SEMA5A: variants seen among roughly 807,000 people sequenced by gnomAD.
SEMA5A encodes semaphorin 5A, also known as semaphorin-5A.
Under a neutral mutation model 135.5 loss-of-function variants are expected in SEMA5A, and 55 were observed. The observed-to-expected ratio is 0.41, with a 90% CI of 0.33 to 0.51. The LOEUF is 0.51. Among genes scored for constraint, SEMA5A ranks in the 20% least tolerant of loss-of-function variants. The pLI, the probability that SEMA5A is intolerant of heterozygous loss-of-function variation, is 0.37. For missense variants in SEMA5A, 1,290 were observed against 1,419.9 expected (o/e 0.91, Z 1.47); for synonymous variants, 580 against 546.5 (o/e 1.06, Z -0.85).
rs1185175900 is a variant in SEMA5A, at chr5:9,272,765, G to T, written c.271-34875C>A. On this transcript the variant is annotated intron_variant, in intron 5 of 22. Transcript: ENST00000382496. ...AGCAAACTCCAACACGCCTGCAGAA[G>T]AGGGGCCTGAATGTTAGAAGGAACA... Among the ~76,000 whole-genome samples, 3 of 152,298 alleles carry T rather than the reference G, an allele frequency of 2.0e-5. No individual in the cohort carries two copies. The East Asian group carries it at 5.8e-4, about 29-fold the overall frequency.
chr5:9,081,501 A>C (rs959494268), intron 16 of SEMA5A, among the ~76,000 whole-genome samples: 1 of 152,064 alleles, frequency 6.6e-6, no homozygotes, highest in South Asian at 2.1e-4. Flanking sequence ...CTGGCAAGGA[A>C]TTTTCCAAAT....
chr5:9,066,160 G>T (rs1737451149), intron 17 of SEMA5A, among the ~76,000 whole-genome samples: 1 of 152,194 alleles, frequency 6.6e-6, no homozygotes, highest in Non-Finnish European at 1.5e-5. Context: ...TCACACAAAT[G>T]ATTCTGGGTC....
At chr5:9,408,716 G>T (rs144676113) in intron 2 of SEMA5A, among the ~76,000 whole-genome samples, 6 of 152,136 alleles carry the variant, frequency 3.9e-5, no homozygotes, top group African/African-American at 1.4e-4. Context: ...ATCAAGAAAG[G>T]TGCACAAGTT....
rs373112364 is a variant in SEMA5A at position 9,278,652 on chromosome 5, G to A, written c.270+39720C>T. On this transcript the variant is annotated intron_variant, in intron 5 of 22. Transcript: ENST00000382496. ...TTTTGTGGGCGAGGCCCAGGGCCCT[G>A]CTGCTCTGTGCAGCCTCAGAACACA... 6.6e-5 allele frequency among the ~76,000 whole-genome samples: 10 copies of A among 152,330 alleles called. No homozygotes were observed. The East Asian group carries it at 9.7e-4, about 15-fold the overall frequency.
rs1215861029 is a variant in SEMA5A, at chr5:9,164,080, A to ATTT, written c.1274-9386_1274-9385insAAA. On this transcript the variant is annotated intron_variant, in intron 11 of 22. Transcript: ENST00000382496. ...ATATAAATATTTATATAATTTATATAATTATAAATATATCATATAAATATT... is the reference window on the plus strand; with the variant it reads ...ATATAAATATTTATATAATTTATATATTTATTATAAATATATCATATAAATATT... Among the ~76,000 whole-genome samples the ATTT allele has an allele frequency of 1.1e-4, 2 of 18,724 alleles. 1 individual carries two copies. The highest frequency in any genetic ancestry group is 2.5e-4 in the African/African-American group (2 of 7,900). The allele number at this position is 18,724 out of a possible 152,430, so 12.3% of individuals were successfully genotyped here.
At chr5:9,480,129 C>T (rs973082979) in intron 1 of SEMA5A, among the ~76,000 whole-genome samples, 6 of 152,068 alleles carry the variant, frequency 3.9e-5, no homozygotes, top group African/African-American at 1.2e-4. Flanking sequence ...ACATTCGACA[C>T]GAATAGCACA....
At chr5:9,521,887 G>A (rs1387200562) in intron 1 of SEMA5A, among the ~76,000 whole-genome samples, 3 of 152,166 alleles carry the variant, frequency 2.0e-5, no homozygotes, top group African/African-American at 4.8e-5. Context: ...GAGGGGCAGA[G>A]AGGACAGCAC....
intron 2 of SEMA5A, among the ~76,000 whole-genome samples, chr5:9,417,426 A>G (rs548112724): frequency 2.8e-4 from 43 of 152,314 alleles, no homozygotes; most frequent in Middle Eastern, 6.8e-3. Context: ...CTTAAGTGGG[A>G]TCCCAATTTG....
rs1464231309 is a variant in SEMA5A at position 9,118,998 on chromosome 5, C to T, written c.1925G>A (p.Arg642Lys). ...RVCVGQNREE[R>K]YCNEHLLCPP... ...TGCTGGCAGCAGGGTGGGCACGTAC[C>T]TTTCCTCGCGGTTCTGTCCCACGCA... The change falls in exon 15 of 23, where the codon AGA becomes AAA. Residue 642 changes from arginine to lysine, a missense_variant and splice_region_variant. Arg to Lys is a conservative substitution (Grantham distance 26). Transcript: ENST00000382496. The T allele has an allele frequency of 1.9e-6, 3 of 1,612,722 alleles. No homozygotes were observed. The highest frequency in any genetic ancestry group is 2.5e-6 in the Non-Finnish European group (3 of 1,179,558).
intron 11 of SEMA5A, among the ~76,000 whole-genome samples, chr5:9,161,733 C>T (rs1270474671): frequency 6.6e-6 from 1 of 152,212 alleles, no homozygotes; most frequent in Non-Finnish European, 1.5e-5. Flanking sequence ...AGTCCAAACC[C>T]ACAACATCAT....
chr5:9,302,640 C>T (rs1751666213), intron 5 of SEMA5A, among the ~76,000 whole-genome samples: 1 of 152,144 alleles, frequency 6.6e-6, no homozygotes, highest in Non-Finnish European at 1.5e-5. Flanking sequence ...GCACAAGCAC[C>T]TAAGATGCTA....
In SEMA5A at chr5:9,136,504, C is replaced by A. The variant is rs769684645; in HGVS notation, c.1599G>T (p.Pro533=). Residue 533 remains proline, a splice_region_variant and synonymous_variant, in exon 13 of 23, where the codon CCG becomes CCT. Coordinates refer to ENST00000382496, the MANE Select transcript of SEMA5A (RefSeq NM_003966.3). ...GAGGATGGAGAAGGTGGGCACTCAC[C>A]GGACACGCAGAGATGCTCTGTTCCC... ...TQWEQSISAC[P]TRNLTVDGHF... 5.0e-6 allele frequency: 8 copies of A among 1,612,460 alleles called. No homozygotes were observed. The highest frequency in any genetic ancestry group is 6.8e-6 in the Non-Finnish European group (8 of 1,178,640).
intron 1 of SEMA5A, among the ~76,000 whole-genome samples, chr5:9,538,265 G>C (rs202239153): frequency 8.9e-6 from 1 of 112,178 alleles, no homozygotes; most frequent in Non-Finnish European, 2.0e-5. Context: ...TCTTCTCTAA[G>C]AGCGGGGCGG....
chr5:9,276,757 A>T (rs1750284406), intron 5 of SEMA5A, among the ~76,000 whole-genome samples: 1 of 152,236 alleles, frequency 6.6e-6, no homozygotes, highest in African/African-American at 2.4e-5. Context: ...CTGGCTAGCC[A>T]TGTGCAGAAA....
At chr5:9,225,865 T>C (rs1339164512) in intron 7 of SEMA5A, among the ~76,000 whole-genome samples, 2 of 152,176 alleles carry the variant, frequency 1.3e-5, no homozygotes, top group African/African-American at 4.8e-5. Flanking sequence ...GGTTCTCGCC[T>C]GAGAGGTATT....
chr5:9,300,934 A>G (rs1326825673), intron 5 of SEMA5A, among the ~76,000 whole-genome samples: 8 of 152,166 alleles, frequency 5.3e-5, no homozygotes, highest in African/African-American at 1.9e-4. Flanking sequence ...TCAGTTTCTG[A>G]CTTCCAGGCT....
At chr5:9,177,126 G>A (rs949501804) in intron 11 of SEMA5A, among the ~76,000 whole-genome samples, 1 of 152,174 alleles carries the variant, frequency 6.6e-6, no homozygotes, top group African/African-American at 2.4e-5. Context: ...AGACTCAGAG[G>A]AGCAGGAGCA....
At chr5:9,153,619 GT>G (rs1742759996) in intron 12 of SEMA5A, among the ~76,000 whole-genome samples, 1 of 151,842 alleles carries the variant, frequency 6.6e-6, no homozygotes, top group Non-Finnish European at 1.5e-5. Flanking sequence ...GGAGGGGGGG[GT>G]GTCCCGGAAA....
chr5:9,413,269 C>T (rs1757167070), intron 2 of SEMA5A, among the ~76,000 whole-genome samples: 1 of 151,612 alleles, frequency 6.6e-6, no homozygotes, highest in Non-Finnish European at 1.5e-5. Context: ...ACACAGGCCA[C>T]TTATGACAGC....
Sources: gnomAD v4.1 joint callset for allele counts (sites outside exome capture counted in the v4.1 genomes callset) on GRCh38, gnomAD v4.1.1 for gene constraint, MANE v1.5 for transcripts, NCBI Gene and HGNC (gene_info 2026-07-23, HGNC 2026-07-21) for gene names.